Variants in LRGUK observed in about 807,000 individuals in gnomAD.
LRGUK encodes the protein leucine-rich repeat and guanylate kinase domain-containing protein.
A neutral mutation model predicts 76.0 loss-of-function variants in LRGUK; 65 were observed. The observed-to-expected ratio is 0.85, with a 90% confidence interval of 0.70 to 1.05. The LOEUF is 1.05. LRGUK is among the 50% of genes least tolerant of loss of function. The pLI is 0.00. For missense variants in LRGUK, 758 were observed against 732.8 expected (o/e 1.03, Z -0.40); for synonymous variants, 268 against 265.6 (o/e 1.01, Z -0.09).
chr7:134,273,666 C>G, the LRGUK span, among the ~76,000 whole-genome samples: 1 of 152,162 alleles, frequency 6.6e-6, no homozygotes, highest in Non-Finnish European at 1.5e-5. Flanking sequence ...TTAACATACC[C>G]TCATTAGCAT....
chr7:134,205,563 T>A (rs1800969106), intron 15 of LRGUK, among the ~76,000 whole-genome samples: 1 of 152,222 alleles, frequency 6.6e-6, no homozygotes, highest in Non-Finnish European at 1.5e-5. Context: ...AGTTTTAGTA[T>A]AATGAATTTT....
intron 5 of LRGUK, among the ~76,000 whole-genome samples, chr7:134,150,143 C>T (rs1405922351): frequency 3.3e-5 from 5 of 152,086 alleles, no homozygotes; most frequent in South Asian, 2.1e-4. Flanking sequence ...GGCGTGGTGG[C>T]GGGCACCTGT....
At chr7:134,183,819 C>G in exon 11 of LRGUK, 1 of 1,614,096 alleles carries the variant, frequency 6.2e-7, no homozygotes. Context: ...TGCCCATCGC[C>G]TCTGCAGACA....
At chr7:134,202,914 G>A (rs769705638) in intron 15 of LRGUK, among the ~76,000 whole-genome samples, 3 of 152,160 alleles carry the variant, frequency 2.0e-5, no homozygotes, top group African/African-American at 4.8e-5. Flanking sequence ...ACTTAAAAAT[G>A]GTTAAGATGG....
intron 16 of LRGUK, among the ~76,000 whole-genome samples, chr7:134,243,802 T>C (rs1802224011): frequency 6.6e-6 from 1 of 152,132 alleles, no homozygotes. Context: ...CTTCAAACTA[T>C]ACTACAAGGC....
intron 14 of LRGUK, among the ~76,000 whole-genome samples, chr7:134,200,000 A>AAT (rs1333127960): frequency 4.1e-5 from 5 of 122,438 alleles, no homozygotes; most frequent in African/African-American, 1.2e-4. Context: ...ATATATATAT[A>AAT]TATATATATA....
intron 7 of LRGUK, among the ~76,000 whole-genome samples, chr7:134,172,207 G>A (rs1169868046): frequency 3.3e-5 from 5 of 152,128 alleles, no homozygotes; most frequent in Admixed American, 6.5e-5. Flanking sequence ...CTATAGGACT[G>A]TACTGTTACC....
intron 11 of LRGUK, among the ~76,000 whole-genome samples, chr7:134,189,714 C>A (rs1800122056): frequency 6.6e-6 from 1 of 152,186 alleles, no homozygotes; most frequent in Admixed American, 6.5e-5. Context: ...ATTGATTTAT[C>A]TTCCCTGACT....
intron 1 of LRGUK, among the ~76,000 whole-genome samples, chr7:134,133,049 G>A (rs1207907837): frequency 6.6e-6 from 1 of 152,174 alleles, no homozygotes; most frequent in Non-Finnish European, 1.5e-5. Context: ...CAGCTTTACA[G>A]GGACTCCAGG....
intron 14 of LRGUK, 71 bp from the exon 15 acceptor site, chr7:134,201,410 C>A (rs567080549): frequency 1.4e-5 from 16 of 1,172,672 alleles, no homozygotes; most frequent in Admixed American, 1.8e-5. Context: ...CAAATCATTA[C>A]CACCGATAGT....
At chr7:134,257,768 C>T (rs1317005501) in intron 18 of LRGUK, among the ~76,000 whole-genome samples, 1 of 151,954 alleles carries the variant, frequency 6.6e-6, no homozygotes, top group Non-Finnish European at 1.5e-5. Flanking sequence ...CGTGTCACTG[C>T]CCTCCAGTCT....
intron 16 of LRGUK, among the ~76,000 whole-genome samples, chr7:134,235,241 TG>T (rs1801986584): frequency 2.0e-5 from 3 of 152,234 alleles, no homozygotes; most frequent in Admixed American, 6.5e-5. Flanking sequence ...GTTCCTTTGG[TG>T]TCTCTGATCT....
intron 1 of LRGUK, among the ~76,000 whole-genome samples, chr7:134,135,951 C>T (rs1797522417): frequency 6.6e-6 from 1 of 152,178 alleles, no homozygotes; most frequent in Non-Finnish European, 1.5e-5. Flanking sequence ...CCACCGCGCC[C>T]GGCAAGAAGC....
At chr7:134,242,790 T>G (rs1055880781) in intron 16 of LRGUK, among the ~76,000 whole-genome samples, 1 of 152,184 alleles carries the variant, frequency 6.6e-6, no homozygotes, top group Admixed American at 6.5e-5. Context: ...TGATCATCGA[T>G]GCAAAAATCC....
At chr7:134,229,192 A>G (rs561519032) in intron 16 of LRGUK, among the ~76,000 whole-genome samples, 16 of 152,198 alleles carry the variant, frequency 1.1e-4, no homozygotes, top group Non-Finnish European at 1.3e-4. Context: ...CCTGGCTAAC[A>G]TATCTACTAA....
intron 16 of LRGUK, among the ~76,000 whole-genome samples, chr7:134,231,696 C>T (rs183574255): frequency 1.2e-4 from 17 of 138,536 alleles, no homozygotes; most frequent in African/African-American, 4.3e-4. Context: ...CCCTCCCTTC[C>T]TCCCTTCCTT....
rs894718013 is a variant in LRGUK at position 134,143,485 on chromosome 7, A to T, written c.588+323A>T. On this transcript the variant is annotated intron_variant, in intron 4 of 15. Transcript: ENST00000645682. Reference sequence around the variant, plus strand: ...TGTTGTTATAGTGGAACAATTTTTTAAAAATATTACTTGGTACATTTTATT... The same window carrying T: ...TGTTGTTATAGTGGAACAATTTTTTTAAAATATTACTTGGTACATTTTATT... 3.3e-4 allele frequency among the ~76,000 whole-genome samples: 51 copies of T among 152,282 alleles called. 1 individual carries two copies. Among genetic ancestry groups the T allele is most frequent in the African/African-American group, 1.2e-3 (49 of 41,542 alleles).
At chr7:134,183,373 A>G (rs933591024) in intron 10 of LRGUK, among the ~76,000 whole-genome samples, 6 of 152,210 alleles carry the variant, frequency 3.9e-5, no homozygotes, top group Non-Finnish European at 7.3e-5. Flanking sequence ...GTAGTTATAA[A>G]TATTTATCTT....
chr7:134,245,466 A>G (rs952065454), intron 16 of LRGUK, among the ~76,000 whole-genome samples: 1 of 152,210 alleles, frequency 6.6e-6, no homozygotes, highest in South Asian at 2.1e-4. Context: ...CTGCATAGAT[A>G]CTGATACCAT....
Sources: allele counts gnomAD v4.1 joint callset (sites outside exome capture counted in the v4.1 genomes callset), GRCh38; gene constraint gnomAD v4.1.1; transcripts MANE v1.5; gene names NCBI Gene and HGNC (gene_info 2026-07-23, HGNC 2026-07-21).